Variants in SLCO6A1 observed in about 807,000 individuals in gnomAD.
SLCO6A1 encodes the protein cancer/testis antigen 48.
In SLCO6A1, 65 loss-of-function variants were observed where a neutral mutation model predicts 72.7. The ratio of observed to expected loss-of-function variants is 0.89; its 90% CI spans 0.73 to 1.10. The LOEUF (loss-of-function observed/expected upper bound fraction) is 1.10, where lower values mean the gene tolerates loss of function less well. SLCO6A1 is among the 50% of genes least tolerant of loss of function. The pLI is 0.00. For missense variants in SLCO6A1, 874 were observed against 872.6 expected, an observed-to-expected ratio of 1.00 and a Z score of -0.02; for synonymous variants, 314 against 298.2, an observed-to-expected ratio of 1.05 and a Z score of -0.55.
intron 8 of SLCO6A1, among the ~76,000 whole-genome samples, chr5:102,418,767 C>T (rs1748430327): frequency 6.6e-6 from 1 of 151,994 alleles, no homozygotes; most frequent in African/African-American, 2.4e-5. Context: ...ATTCCTTTAC[C>T]CAGCACACTC....
At chr5:102,425,152 C>A (rs1233092182) in intron 7 of SLCO6A1, among the ~76,000 whole-genome samples, 2 of 152,158 alleles carry the variant, frequency 1.3e-5, no homozygotes, top group Non-Finnish European at 2.9e-5. Context: ...GATAAACCCA[C>A]AGCTAATATC....
At chr5:102,463,497 G>A (rs565990539) in intron 4 of SLCO6A1, among the ~76,000 whole-genome samples, 1 of 152,182 alleles carries the variant, frequency 6.6e-6, no homozygotes, top group Non-Finnish European at 1.5e-5. Context: ...ACTTGCAATT[G>A]CAAAAATATG....
At chr5:102,477,158 G>T (rs1751942315) in intron 3 of SLCO6A1, among the ~76,000 whole-genome samples, 1 of 152,042 alleles carries the variant, frequency 6.6e-6, no homozygotes, top group Non-Finnish European at 1.5e-5. Flanking sequence ...ACGGAGTCTT[G>T]CTCTGTCACC....
At chr5:102,460,699 G>A (rs1264620203) in intron 4 of SLCO6A1, among the ~76,000 whole-genome samples, 1 of 151,764 alleles carries the variant, frequency 6.6e-6, no homozygotes, top group Admixed American at 6.6e-5. Flanking sequence ...TGGAAGTGCT[G>A]GTTTTTCATG....
At chr5:102,392,569 C>G (rs1746825387) in intron 10 of SLCO6A1, among the ~76,000 whole-genome samples, 2 of 151,810 alleles carry the variant, frequency 1.3e-5, no homozygotes, top group South Asian at 4.2e-4. Context: ...TTCTAACATA[C>G]AAAACAAGAT....
At position 102,459,830 on chromosome 5, in the gene SLCO6A1, C is replaced by G. The variant is rs1037494753; in HGVS notation, c.900-53G>C. ...AGCAACTTTAGGTATTTGATTACAA[C>G]AAAACCATAATCAAACAGAGTGGAG... is the stretch of plus-strand genomic sequence containing the variant. On this transcript the variant is annotated intron_variant, in intron 4 of 13. Transcript: ENST00000506729. 34 of 1,458,956 alleles carry G rather than the reference C, an allele frequency of 2.3e-5. No homozygotes were observed. In the South Asian group the frequency reaches 3.9e-4, roughly 17 times the overall value. The allele number at this position is 1,458,956 out of a possible 1,614,324, so 90.4% of individuals were successfully genotyped here.
At chr5:102,380,127 C>T (rs1277558052) in intron 12 of SLCO6A1, among the ~76,000 whole-genome samples, 1 of 151,754 alleles carries the variant, frequency 6.6e-6, no homozygotes, top group Non-Finnish European at 1.5e-5. Context: ...GATATGGGTG[C>T]TAATTACAGG....
At chr5:102,416,218 GA>G (rs1462751869) in intron 8 of SLCO6A1, among the ~76,000 whole-genome samples, 1 of 151,578 alleles carries the variant, frequency 6.6e-6, no homozygotes, top group African/African-American at 2.4e-5. Context: ...TCTAACCAGA[GA>G]AAAATAAAAT....
In SLCO6A1 at chr5:102,498,795, C is replaced by T. The variant is rs766883048; in HGVS notation, c.50G>A (p.Arg17Lys). ...CGCGGCCTCCAGCGGCTCTACTCCC[C>T]TTGAGACTTCATCCTGGCTCCCAGA... The part of the protein sequence containing the change: ...RHSGSQDEVS[R>K]GVEPLEAARA... The change falls in exon 1 of 14, where the codon AGG becomes AAG. Residue 17 changes from arginine to lysine, a missense_variant. Transcript: ENST00000506729. 3 of 1,613,814 alleles carry T rather than the reference C, an allele frequency of 1.9e-6. No homozygotes were observed. The highest frequency in any genetic ancestry group is 1.7e-5 in the Admixed American group (1 of 60,016).
Position 102,388,766 on chromosome 5 carries a change from C to T in SLCO6A1, c.1939G>A (p.Asp647Asn), listed in dbSNP as rs1272532860. The T allele has an allele frequency of 6.2e-7, 1 of 1,607,926 alleles. No homozygotes were observed. The highest frequency in any genetic ancestry group is 1.1e-5 in the South Asian group (1 of 89,604). ...MSGETSCILR[D>N]VNKCGHTGRC... ...CCTGTGTGTCCACATTTATTAACAT[C>T]CCGTAAAATACAAGAAGTTTCTCCT... is the stretch of plus-strand genomic sequence containing the variant. Residue 647 changes from aspartate (D) to asparagine (N), a missense_variant, in exon 12 of 14, where the codon GAT becomes AAT. Coordinates refer to ENST00000506729, the MANE Select transcript of SLCO6A1 (RefSeq NM_173488.5).
chr5:102,399,966 G>A (rs1747312059), intron 9 of SLCO6A1, among the ~76,000 whole-genome samples: 1 of 145,288 alleles, frequency 6.9e-6, no homozygotes, highest in Non-Finnish European at 1.5e-5. Flanking sequence ...GTGTGTGTGT[G>A]TAATTATAAT....
chr5:102,425,675 C>T (rs896159509), intron 7 of SLCO6A1, among the ~76,000 whole-genome samples: 11 of 152,108 alleles, frequency 7.2e-5, no homozygotes, highest in African/African-American at 2.7e-4. Flanking sequence ...GAATCAATAT[C>T]GTGAAAATGG....
At chr5:102,459,603 A>C in intron 5 of SLCO6A1, 53 bp downstream of exon 5, 1 of 1,515,848 alleles carries the variant, frequency 6.6e-7, no homozygotes, top group South Asian at 1.3e-5. Flanking sequence ...AATAAGAACC[A>C]TGGTGGAAGA....
chr5:102,492,835 G>C (rs921634658), intron 1 of SLCO6A1, among the ~76,000 whole-genome samples: 2 of 152,208 alleles, frequency 1.3e-5, no homozygotes, highest in Non-Finnish European at 2.9e-5. Flanking sequence ...AACGAGGCTG[G>C]GGAAGGGGTG....
At chr5:102,489,804 T>C (rs986693299) in intron 1 of SLCO6A1, among the ~76,000 whole-genome samples, 1 of 152,240 alleles carries the variant, frequency 6.6e-6, no homozygotes, top group African/African-American at 2.4e-5. Flanking sequence ...CCCATGTTTA[T>C]TGAAGCAATA....
At chr5:102,464,817 G>T (rs1367243002) in intron 4 of SLCO6A1, among the ~76,000 whole-genome samples, 2 of 152,164 alleles carry the variant, frequency 1.3e-5, no homozygotes, top group African/African-American at 4.8e-5. Context: ...CTCTTCACAA[G>T]CCAAGCCTAA....
At chr5:102,480,099 C>A in intron 2 of SLCO6A1, 78 bp downstream of exon 2, 2 of 1,299,632 alleles carry the variant, frequency 1.5e-6, no homozygotes, top group Non-Finnish European at 2.1e-6. Context: ...ATAATTATCA[C>A]AGTCTATTTT....
At chr5:102,442,270 T>G (rs2112692429) in intron 6 of SLCO6A1, among the ~76,000 whole-genome samples, 1 of 152,314 alleles carries the variant, frequency 6.6e-6, no homozygotes, top group East Asian at 1.9e-4. Context: ...TCTTATGCTC[T>G]TAGCCTCAAT....
intron 7 of SLCO6A1, among the ~76,000 whole-genome samples, chr5:102,437,859 A>T (rs920674461): frequency 2.0e-5 from 3 of 152,078 alleles, no homozygotes; most frequent in African/African-American, 7.2e-5. Flanking sequence ...TGCATCCTTG[A>T]CCTTTTACAC....
Sources: gnomAD v4.1 joint callset for allele counts (sites outside exome capture counted in the v4.1 genomes callset) on GRCh38, gnomAD v4.1.1 for gene constraint, MANE v1.5 for transcripts, NCBI Gene and HGNC (gene_info 2026-07-23, HGNC 2026-07-21) for gene names.